The following HTRA1 variants were observed in gnomAD, a reference collection of about 807,000 sequenced individuals.
HTRA1 encodes serine protease HTRA1.
A neutral mutation model predicts 49.7 loss-of-function variants in HTRA1; 26 were observed. The observed-to-expected ratio is 0.52, with a 90% CI of 0.38 to 0.73. HTRA1 has a LOEUF of 0.73. HTRA1 is among the 30% of genes least tolerant of loss of function. The pLI is 0.00. For synonymous variants in HTRA1, 291 were observed against 286.9 expected (o/e 1.01, Z -0.14); for missense variants, 561 against 667.2 (o/e 0.84, Z 1.75).
chr10:122,506,139 C>T lies in HTRA1; in HGVS notation c.778-552C>T, dbSNP rs1011143584. Among the ~76,000 whole-genome samples, 1 of 152,240 alleles carries T rather than the reference C, an allele frequency of 6.6e-6. No individual in the cohort carries two copies. The highest frequency in any genetic ancestry group is 2.4e-5 in the African/African-American group (1 of 41,456). The stretch of plus-strand genomic sequence containing the variant: ...CCATCCCTGCCCCTGACCAGTGTGG[C>T]CCTGTACTCAGCATAGGCGTGCACC... On this transcript the variant is annotated intron_variant, in intron 3 of 8. Transcript: ENST00000368984. The surrounding 1 kb of genome is among the most constrained non-coding windows in gnomAD (Gnocchi z 5.2).
Position 122,512,027 on chromosome 10 carries a change from G to T in HTRA1, c.1236G>T (p.Ala412=), listed in dbSNP as rs747830451. 24 of 1,613,658 alleles carry T rather than the reference G, an allele frequency of 1.5e-5. No individual in the cohort carries two copies. Among genetic ancestry groups the T allele is most frequent in the Non-Finnish European group, 1.9e-5 (23 of 1,179,750 alleles). Residue 412 remains alanine, a synonymous_variant, in exon 8 of 9, where the codon GCG becomes GCT. Transcript: ENST00000368984. The stretch of plus-strand genomic sequence containing the variant: ...ACTTCCCAGACGTGATCTCAGGAGC[G>T]TATATAATTGAAGTAATTCCTGATA... ...HRDFPDVISG[A]YIIEVIPDTP... is the part of the protein sequence containing the mutation.
In HTRA1 at chr10:122,514,574, T is replaced by C; in HGVS notation, c.*215T>C. 1 of 583,084 alleles carries C rather than the reference T, an allele frequency of 1.7e-6. No individual in the cohort carries two copies. The highest frequency in any genetic ancestry group is 1.9e-5 in the South Asian group (1 of 52,398). 36.1% of individuals were successfully genotyped at this position (583,084 alleles called of 1,614,324 possible). Reference sequence around the variant, plus strand: ...CGCAGGCAGAAGCTCTGCCCTTCTGTATCCTATGTATGCAGTGTGCTTTTT... The same window carrying C: ...CGCAGGCAGAAGCTCTGCCCTTCTGCATCCTATGTATGCAGTGTGCTTTTT... On this transcript the variant is annotated 3_prime_UTR_variant, in exon 9 of 9. Coordinates refer to ENST00000368984, the MANE Select transcript of HTRA1 (RefSeq NM_002775.5).
intron 1 of HTRA1, among the ~76,000 whole-genome samples, chr10:122,485,983 A>C (rs999984784): frequency 6.6e-6 from 1 of 152,176 alleles, no homozygotes; most frequent in East Asian, 1.9e-4. Context: ...CTCTGTTTTC[A>C]GAAGGAACAT....
intron 1 of HTRA1, among the ~76,000 whole-genome samples, chr10:122,462,610 A>G (rs2097482003): frequency 6.6e-6 from 1 of 152,224 alleles, no homozygotes. Flanking sequence ...CGCTCAGTGA[A>G]AACTGTATGT....
In HTRA1 at chr10:122,462,035, A is replaced by G. The variant is rs1332122012; in HGVS notation, c.383A>G (p.Asn128Ser). ...GGCAGCGACGCCAACACCTACGCCA[A>G]CCTGTGCCAGCTGCGCGCCGCCAGC... ...VCGSDANTYA[N>S]LCQLRAASRR... The change falls in exon 1 of 9, where the codon AAC becomes AGC. Residue 128 changes from asparagine to serine, a missense_variant. Asn to Ser is a conservative substitution (Grantham distance 46). Transcript: ENST00000368984. 2.0e-6 allele frequency: 3 copies of G among 1,532,878 alleles called. No homozygotes were observed. In the South Asian group the frequency reaches 3.6e-5, roughly 18 times the overall value. The allele number at this position is 1,532,878 out of a possible 1,614,324, so 95.0% of individuals were successfully genotyped here. A position where few individuals can be genotyped will look rare whatever the true frequency, so the allele number is the denominator to read the frequency against.
At chr10:122,475,088 A>C (rs2672590) in intron 1 of HTRA1, among the ~76,000 whole-genome samples, 37,274 of 152,154 alleles carry the variant, frequency 0.24, 4,915 homozygotes, top group African/African-American at 0.31. Context: ...CCCCGAAAGC[A>C]CATTTCGAAT....
intron 1 of HTRA1, among the ~76,000 whole-genome samples, chr10:122,475,816 G>C (rs937658190): frequency 6.6e-6 from 1 of 152,236 alleles, no homozygotes; most frequent in Admixed American, 6.5e-5. Context: ...TGGGGGTCTG[G>C]TTTCCCGGAA....
chr10:122,504,386 G>A (rs1256028636), intron 3 of HTRA1, among the ~76,000 whole-genome samples: 2 of 152,194 alleles, frequency 1.3e-5, no homozygotes, highest in Non-Finnish European at 2.9e-5. Context: ...TAGGGGATGA[G>A]TGAGATGTGA....
Position 122,461,688 on chromosome 10 carries a change from G to T in HTRA1, c.36G>T (p.Leu12=), listed in dbSNP as rs1051410982. 2.3e-6 allele frequency: 3 copies of T among 1,307,710 alleles called. No homozygotes were observed. In the African/African-American group the frequency reaches 4.8e-5, roughly 21 times the overall value. 81.0% of individuals were successfully genotyped at this position (1,307,710 alleles called of 1,614,324 possible). A position where few individuals can be genotyped will look rare whatever the true frequency, so the allele number is the denominator to read the frequency against. ...QIPRAALLPL[L]LLLLAAPASA... is the part of the protein sequence containing the mutation. Reference sequence around the variant, plus strand: ...CGCGCGCCGCTCTTCTCCCGCTGCTGCTGCTGCTGCTGGCGGCGCCCGCCT... The same window carrying T: ...CGCGCGCCGCTCTTCTCCCGCTGCTTCTGCTGCTGCTGGCGGCGCCCGCCT... Residue 12 remains leucine, a synonymous_variant, in exon 1 of 9, where the codon CTG becomes CTT. Coordinates refer to ENST00000368984, the MANE Select transcript of HTRA1 (RefSeq NM_002775.5).
At chr10:122,474,553 C>A (rs2097487595) in intron 1 of HTRA1, among the ~76,000 whole-genome samples, 1 of 152,224 alleles carries the variant, frequency 6.6e-6, no homozygotes, top group East Asian at 1.9e-4. Context: ...GCTAGGGAGA[C>A]TGAACAGCCC....
intron 1 of HTRA1, among the ~76,000 whole-genome samples, chr10:122,478,485 T>C (rs984757579): frequency 6.8e-6 from 1 of 146,750 alleles, no homozygotes; most frequent in Admixed American, 7.2e-5. Flanking sequence ...CTCCACCTCC[T>C]GGGTTCACGC....
At position 122,464,550 on chromosome 10, in the gene HTRA1, A is replaced by AAATG; in HGVS notation, c.472+2437_472+2440dup. Among the ~76,000 whole-genome samples, 1 of 152,230 alleles carries AAATG rather than the reference A, an allele frequency of 6.6e-6. No individual in the cohort carries two copies. The highest frequency in any genetic ancestry group is 1.9e-4 in the East Asian group (1 of 5,198). ...GGTACGAGTGGATTAGTGAATGAAT[A>AAATG]AATGAATGAATGAAGACAAACGGGA... is the stretch of plus-strand genomic sequence containing the variant. On this transcript the variant is annotated intron_variant, in intron 1 of 8. Coordinates refer to ENST00000368984, the MANE Select transcript of HTRA1 (RefSeq NM_002775.5). The surrounding 1 kb of genome is among the most constrained non-coding windows in gnomAD (Gnocchi z 4.8).
chr10:122,474,651 C>T (rs1225612914), intron 1 of HTRA1, among the ~76,000 whole-genome samples: 1 of 152,118 alleles, frequency 6.6e-6, no homozygotes, highest in African/African-American at 2.4e-5. Context: ...AGGACCAGAG[C>T]CAGACGCTTA....
At chr10:122,503,856 T>G (rs981566611) in intron 3 of HTRA1, among the ~76,000 whole-genome samples, 27 of 152,246 alleles carry the variant, frequency 1.8e-4, no homozygotes, top group Non-Finnish European at 2.2e-4. Context: ...AATGTCTGAG[T>G]GGATGAAAAC....
rs1565427091 is a variant in HTRA1, at chr10:122,496,224, G to GTTTTTTTTTTT, written c.777+6598_777+6599insTTTTTTTTTTT. On this transcript the variant is annotated intron_variant, in intron 3 of 8. Coordinates refer to ENST00000368984, the MANE Select transcript of HTRA1 (RefSeq NM_002775.5). ...GCCCTTTCGTTTGCCAGAGATTGTG[G>GTTTTTTTTTTT]GTTCTTTTTTTTTTTTTTTTTTTTT... 2.0e-3 allele frequency among the ~76,000 whole-genome samples: 64 copies of GTTTTTTTTTTT among 32,094 alleles called. 4 individuals carry two copies. Among genetic ancestry groups the GTTTTTTTTTTT allele is most frequent in the East Asian group, 6.7e-3 (11 of 1,650 alleles). 21.1% of individuals were successfully genotyped at this position (32,094 alleles called of 152,430 possible).
chr10:122,512,793 A>G (rs1227984334), intron 8 of HTRA1, among the ~76,000 whole-genome samples: 2 of 151,994 alleles, frequency 1.3e-5, no homozygotes, highest in East Asian at 3.9e-4. Context: ...GTTTTGGTGC[A>G]CCCATCACCC....
intron 1 of HTRA1, among the ~76,000 whole-genome samples, chr10:122,482,751 CTACTAAAAA>C (rs59506621): frequency 0.19 from 28,333 of 151,688 alleles, 3,010 homozygotes; most frequent in South Asian, 0.42. Flanking sequence ...AACCCCATCT[CTACTAAAAA>C]TACAAAAAAT....
At position 122,463,304 on chromosome 10, in the gene HTRA1, T is replaced by G. The variant is rs369740295; in HGVS notation, c.472+1180T>G. On this transcript the variant is annotated intron_variant, in intron 1 of 8. Coordinates refer to ENST00000368984, the MANE Select transcript of HTRA1 (RefSeq NM_002775.5). Reference sequence around the variant, plus strand: ...ACTGGGTGAAATTCGAGATTGCGTATTTCACCAACACAGGAGCACAGCCCT... The same window carrying G: ...ACTGGGTGAAATTCGAGATTGCGTAGTTCACCAACACAGGAGCACAGCCCT... 7.9e-5 allele frequency among the ~76,000 whole-genome samples: 12 copies of G among 152,332 alleles called. No homozygotes were observed. In the East Asian group the frequency reaches 2.3e-3, roughly 29 times the overall value.
At chr10:122,497,446 T>C (rs959029405) in intron 3 of HTRA1, among the ~76,000 whole-genome samples, 3 of 152,224 alleles carry the variant, frequency 2.0e-5, no homozygotes, top group African/African-American at 7.2e-5. Context: ...AGAAGCTCTA[T>C]GTGGTTATGG....
Sources: allele counts gnomAD v4.1 joint callset (sites outside exome capture counted in the v4.1 genomes callset), GRCh38; gene constraint gnomAD v4.1.1; non-coding constraint Gnocchi (gnomAD v3.1); transcripts MANE v1.5; gene names NCBI Gene and HGNC (gene_info 2026-07-23, HGNC 2026-07-21).